The following ERI1 variants were observed in gnomAD, a reference collection of about 807,000 sequenced individuals.
ERI1 encodes exoribonuclease 1.
ERI1 carries 39 observed loss-of-function variants against 39.7 expected under a neutral mutation model. The ratio of observed to expected loss-of-function variants is 0.98; its 90% confidence interval spans 0.76 to 1.28. ERI1 has a LOEUF of 1.28. ERI1 is among the 50% of genes most tolerant of loss of function. The pLI, the probability that ERI1 is intolerant of heterozygous loss-of-function variation, is 0.00. For synonymous variants in ERI1, 204 were observed against 149.6 expected, an observed-to-expected ratio of 1.36 and a Z score of -2.65; for missense variants, 581 against 416.9, an observed-to-expected ratio of 1.39 and a Z score of -3.43.
At position 9,018,342 on chromosome 8, in the gene ERI1, G is replaced by C. The variant is rs1355794825; in HGVS notation, c.628G>C (p.Val210Leu). The C allele has an allele frequency of 6.2e-7, 1 of 1,612,714 alleles. No individual in the cohort carries two copies. The highest frequency in any genetic ancestry group is 8.5e-7 in the Non-Finnish European group (1 of 1,178,918). ...TACCTTCCCTCAGGTACTAAAAAAA[G>C]TAATTGACTGGATGAAATTGAAGGA... ...ADTFPQVLKK[V>L]IDWMKLKELG... Residue 210 changes from valine (V) to leucine (L), a missense_variant, in exon 5 of 7, where the codon GTA (valine) becomes CTA (leucine). Transcript: ENST00000250263.
chr8:9,009,455 A>G (rs1260899393), intron 2 of ERI1, among the ~76,000 whole-genome samples: 1 of 152,214 alleles, frequency 6.6e-6, no homozygotes, highest in Non-Finnish European at 1.5e-5. Flanking sequence ...TCCAGTTTGT[A>G]TGGTTTCTGC....
rs1436983724 is a variant in ERI1 at position 9,051,139 on chromosome 8, G to GGTATATATGAATATATATATGTAT, written n.299+30696_299+30719dup. Among the ~76,000 whole-genome samples the GGTATATATGAATATATATATGTAT allele has an allele frequency of 4.3e-4, 65 of 151,520 alleles. 1 individual carries two copies. The highest frequency in any genetic ancestry group is 2.7e-3 in the East Asian group (14 of 5,172). ...TATTACTTTCCCATAGGGAATTGGA[G>GGTATATATGAATATATATATGTAT]GTATATATGAATATATATATGTATG... On this transcript the variant is annotated intron_variant and non_coding_transcript_variant, in intron 3 of 3. Transcript: ENST00000518663.
chr8:9,020,341 A>C lies in ERI1; in HGVS notation c.693-9A>C. On this transcript the variant is annotated splice_polypyrimidine_tract_variant and intron_variant, in intron 5 of 6. Transcript: ENST00000250263. ...TTTCATCAATTTTTTGTCCTTTTTT[A>C]ATTTATAGTTCTTGGGATATGAGTA... is the stretch of plus-strand genomic sequence containing the variant. 1 of 1,504,702 alleles carries C rather than the reference A, an allele frequency of 6.6e-7. No homozygotes were observed. 93.2% of individuals were successfully genotyped at this position (1,504,702 alleles called of 1,614,324 possible).
intron 6 of ERI1, 76 bp downstream of exon 6, chr8:9,020,540 A>G (rs1007361589): frequency 1.1e-6 from 1 of 886,742 alleles, no homozygotes; most frequent in Non-Finnish European, 1.7e-6. Flanking sequence ...GTTAGATTGT[A>G]ATTTTCCAGG....
At chr8:9,056,959 G>T (rs775787400) in intron 3 of ERI1, among the ~76,000 whole-genome samples, 1 of 151,022 alleles carries the variant, frequency 6.6e-6, no homozygotes, top group African/African-American at 2.4e-5. Flanking sequence ...TCAGCCTCCC[G>T]AGTAGCTGGA....
At chr8:9,004,174 C>G (rs1379524288) in intron 1 of ERI1, 5 of 1,288,552 alleles carry the variant, frequency 3.9e-6, no homozygotes, top group South Asian at 3.7e-5. Context: ...TGGATCCTTG[C>G]AATTATCTTT....
intron 3 of ERI1, among the ~76,000 whole-genome samples, chr8:9,094,555 T>C (rs1799815512): frequency 1.3e-5 from 2 of 152,158 alleles, no homozygotes; most frequent in South Asian, 4.1e-4. Context: ...TCCTGTGTGT[T>C]GATGGATGAT....
intron 3 of ERI1, among the ~76,000 whole-genome samples, chr8:9,070,201 T>C (rs1799003484): frequency 6.6e-6 from 1 of 151,152 alleles, no homozygotes; most frequent in Admixed American, 6.6e-5. Flanking sequence ...ATTGCACCAC[T>C]GCACTCCAAC....
rs1359368559 is a variant in ERI1, at chr8:9,055,945, A to G, written n.299+35481A>G. Among the ~76,000 whole-genome samples the G allele has an allele frequency of 2.0e-5, 3 of 152,212 alleles. 1 individual carries two copies. Among genetic ancestry groups the G allele is most frequent in the African/African-American group, 7.2e-5 (3 of 41,452 alleles). On this transcript the variant is annotated intron_variant and non_coding_transcript_variant, in intron 3 of 3. Coordinates refer to the ERI1 transcript ENST00000518663. ...TAGTTTCTGTGGCTTGCCTCAGGGA[A>G]AAATGAGGGGCAAGAGACAGAAAGG...
chr8:9,090,041 C>T (rs1350117702), intron 3 of ERI1, among the ~76,000 whole-genome samples: 2 of 152,154 alleles, frequency 1.3e-5, no homozygotes, highest in African/African-American at 2.4e-5. Context: ...GGATTGTCAT[C>T]AGTCTCATTG....
intron 3 of ERI1, among the ~76,000 whole-genome samples, chr8:9,041,394 A>G (rs982642742): frequency 6.6e-6 from 1 of 152,194 alleles, no homozygotes; most frequent in Non-Finnish European, 1.5e-5. Flanking sequence ...CGCTCTTCTC[A>G]TCGGCACATG....
At chr8:9,016,883 C>T (rs141249897) in intron 4 of ERI1, among the ~76,000 whole-genome samples, 1,594 of 152,032 alleles carry the variant, frequency 0.01, 13 homozygotes, top group Middle Eastern at 0.048. Context: ...GACCTGGTTT[C>T]GCCATATTGG....
At chr8:9,004,034 G>A (rs1360241812) in intron 1 of ERI1, 3 of 1,270,948 alleles carry the variant, frequency 2.4e-6, no homozygotes, top group African/African-American at 3.1e-5. Context: ...GCCTCCCTTG[G>A]TAATTGCATC....
Position 9,004,485 on chromosome 8 carries a change from C to CTTTT in ERI1, c.108+1337_108+1340dup, listed in dbSNP as rs71201904. On this transcript the variant is annotated intron_variant, in intron 1 of 6. Transcript: ENST00000250263. The stretch of plus-strand genomic sequence containing the variant: ...CTGTTGCATGCTCTTTATAGTGATA[C>CTTTT]TTTTTTTTTTTTTTTTTTTTTTTTT... 7.8e-4 allele frequency among the ~76,000 whole-genome samples: 61 copies of CTTTT among 78,304 alleles called. 2 individuals are homozygous for CTTTT. Among genetic ancestry groups the CTTTT allele is most frequent in the African/African-American group, 2.9e-3 (59 of 20,060 alleles). The allele number at this position is 78,304 out of a possible 152,430, so 51.4% of individuals were successfully genotyped here. A position where few individuals can be genotyped will look rare whatever the true frequency, so the allele number is the denominator to read the frequency against.
At chr8:9,050,911 A>G (rs1181908096) in intron 3 of ERI1, among the ~76,000 whole-genome samples, 3 of 152,108 alleles carry the variant, frequency 2.0e-5, no homozygotes, top group Admixed American at 2.0e-4. Context: ...TTTGGATGGA[A>G]ATGAGCTTTG....
intron 3 of ERI1, among the ~76,000 whole-genome samples, chr8:9,093,088 C>T (rs1799758467): frequency 6.6e-6 from 1 of 152,148 alleles, no homozygotes; most frequent in Non-Finnish European, 1.5e-5. Context: ...AGATCAAGTC[C>T]CACCCTATTA....
chr8:9,075,488 C>CT (rs564946590), intron 3 of ERI1, among the ~76,000 whole-genome samples: 6,185 of 142,346 alleles, frequency 0.043, 402 homozygotes, highest in African/African-American at 0.14. Context: ...CTGAACATGC[C>CT]TTTTTTTTTT....
chr8:9,012,813 T>C (rs1331905708), intron 3 of ERI1, among the ~76,000 whole-genome samples: 2 of 152,220 alleles, frequency 1.3e-5, no homozygotes, highest in Non-Finnish European at 2.9e-5. Flanking sequence ...CTACTGCATT[T>C]CTTTGTTCCT....
intron 3 of ERI1, among the ~76,000 whole-genome samples, chr8:9,067,904 CA>C (rs1798931705): frequency 6.6e-6 from 1 of 150,710 alleles, no homozygotes; most frequent in Admixed American, 6.6e-5. Flanking sequence ...CATATGAGCA[CA>C]GAGAGTTATG....
Sources: allele counts gnomAD v4.1 joint callset (sites outside exome capture counted in the v4.1 genomes callset), GRCh38; gene constraint gnomAD v4.1.1; transcripts MANE v1.5; gene names NCBI Gene and HGNC (gene_info 2026-07-23, HGNC 2026-07-21).